MIPEP: variants seen among roughly 807,000 people sequenced by gnomAD.
MIPEP encodes mitochondrial intermediate peptidase.
Under a neutral mutation model 90.3 loss-of-function variants are expected in MIPEP, and 79 were observed. The ratio of observed to expected loss-of-function variants is 0.87; its 90% CI spans 0.73 to 1.05. MIPEP has a LOEUF of 1.05. MIPEP is among the 50% of genes least tolerant of loss of function. The pLI, the probability that MIPEP is intolerant of heterozygous loss-of-function variation, is 0.00. For synonymous variants in MIPEP, 334 were observed against 315.8 expected (o/e 1.06, Z -0.61); for missense variants, 940 against 905.6 (o/e 1.04, Z -0.49).
rs575486158 is a variant in MIPEP at position 23,889,226 on chromosome 13, C to G, written c.95G>C (p.Arg32Pro). ...AGRGSLEAGI[R>P]ARRVSTSWSP... ...CCAGCTGGTGCTGACCCTTCGGGCC[C>G]GGATCCCGGCTTCGAGGCTTCCCCG... The change falls in exon 1 of 19, where the codon CGG (arginine) becomes CCG (proline). Residue 32 changes from arginine to proline, a missense_variant. By Grantham distance (103) the Arg-to-Pro change is moderately radical. Coordinates refer to ENST00000382172, the MANE Select transcript of MIPEP (RefSeq NM_005932.4). 1 of 1,415,946 alleles carries G rather than the reference C, an allele frequency of 7.1e-7. No individual in the cohort carries two copies. The highest frequency in any genetic ancestry group is 1.5e-5 in the African/African-American group (1 of 65,690). 87.7% of individuals were successfully genotyped at this position (1,415,946 alleles called of 1,614,324 possible).
intron 15 of MIPEP, among the ~76,000 whole-genome samples, chr13:23,808,287 G>A (rs1386652233): frequency 6.6e-6 from 1 of 152,052 alleles, no homozygotes; most frequent in Non-Finnish European, 1.5e-5. Flanking sequence ...TTTTAGTAGA[G>A]TTGGGGTTTC....
At chr13:23,795,935 C>G (rs542456223) in intron 16 of MIPEP, among the ~76,000 whole-genome samples, 121 of 151,792 alleles carry the variant, frequency 8.0e-4, no homozygotes, top group Non-Finnish European at 1.2e-3. Context: ...GTTAAGGCTG[C>G]AATGAGCCAT....
intron 16 of MIPEP, among the ~76,000 whole-genome samples, chr13:23,773,250 T>C (rs987629015): frequency 1.3e-5 from 2 of 152,218 alleles, no homozygotes; most frequent in Non-Finnish European, 2.9e-5. Flanking sequence ...TGTGTCTAGT[T>C]TGTCGCACCG....
At position 23,761,985 on chromosome 13, in the gene MIPEP, C is replaced by T. The variant is rs1049389730; in HGVS notation, c.1849-1768G>A. On this transcript the variant is annotated intron_variant, in intron 16 of 18. Transcript: ENST00000382172. ...ACTAAACATACAAAAATTAGCCAGG[C>T]GTGGCGGCACAAGTCTGTAATCTCA... is the stretch of plus-strand genomic sequence containing the variant. Among the ~76,000 whole-genome samples, 7 of 152,036 alleles carry T rather than the reference C, an allele frequency of 4.6e-5. No individual in the cohort carries two copies. In the South Asian group the frequency reaches 8.3e-4, roughly 18 times the overall value.
At position 23,856,908 on chromosome 13, in the gene MIPEP, A is replaced by C. The variant is rs117875836; in HGVS notation, c.1106+1952T>G. 7.3e-3 allele frequency among the ~76,000 whole-genome samples: 1,105 copies of C among 152,272 alleles called. 22 individuals carry two copies. Among genetic ancestry groups the C allele is most frequent in the East Asian group, 0.051 (263 of 5,186 alleles). ...TGATATGAAAGGAATACCTGATAAAAATGAGAGTAGCAAAAATTAGAATAT... is the reference window on the plus strand; with the variant it reads ...TGATATGAAAGGAATACCTGATAAACATGAGAGTAGCAAAAATTAGAATAT... On this transcript the variant is annotated intron_variant, in intron 10 of 18. Coordinates refer to ENST00000382172, the MANE Select transcript of MIPEP (RefSeq NM_005932.4).
At chr13:23,816,713 G>T (rs1953242729) in intron 14 of MIPEP, among the ~76,000 whole-genome samples, 1 of 152,120 alleles carries the variant, frequency 6.6e-6, no homozygotes, top group Non-Finnish European at 1.5e-5. Flanking sequence ...AGGGAGTCAG[G>T]GTTTTCTGCT....
At chr13:23,847,357 A>T (rs1869590087) in intron 10 of MIPEP, among the ~76,000 whole-genome samples, 1 of 152,024 alleles carries the variant, frequency 6.6e-6, no homozygotes, top group African/African-American at 2.4e-5. Context: ...GTGATAAAAA[A>T]GGAGAGAACA....
intron 14 of MIPEP, among the ~76,000 whole-genome samples, chr13:23,826,796 C>A (rs1868472365): frequency 6.6e-6 from 1 of 151,990 alleles, no homozygotes; most frequent in South Asian, 2.1e-4. Flanking sequence ...CAAACTGAAA[C>A]AAACAAAATA....
intron 8 of MIPEP, 102 bp downstream of exon 8, chr13:23,864,039 C>T: frequency 1.5e-6 from 1 of 679,222 alleles, no homozygotes; most frequent in Non-Finnish European, 2.5e-6. Flanking sequence ...TATGCCAAAA[C>T]TTATATTCTA....
intron 18 of MIPEP, among the ~76,000 whole-genome samples, chr13:23,741,711 T>G (rs1175975340): frequency 2.0e-5 from 3 of 151,790 alleles, no homozygotes; most frequent in Admixed American, 2.0e-4. Context: ...AAATAACTAT[T>G]GGGTACTAGG....
At chr13:23,838,472 G>A (rs544422050) in intron 12 of MIPEP, among the ~76,000 whole-genome samples, 5 of 152,258 alleles carry the variant, frequency 3.3e-5, no homozygotes, top group African/African-American at 1.2e-4. Flanking sequence ...TCACTTGAAC[G>A]AGATGGGATC....
intron 12 of MIPEP, among the ~76,000 whole-genome samples, 169 bp downstream of exon 12, chr13:23,839,480 T>C (rs1035029855): frequency 2.6e-5 from 4 of 152,364 alleles, no homozygotes; most frequent in South Asian, 2.1e-4. Flanking sequence ...ATTATTTCCA[T>C]AAACTTTTTA....
intron 18 of MIPEP, among the ~76,000 whole-genome samples, chr13:23,733,713 G>C (rs1952229784): frequency 6.6e-6 from 1 of 152,222 alleles, no homozygotes. Flanking sequence ...ACCAGGGGTA[G>C]TTGAGAACAA....
chr13:23,800,581 C>A (rs148454049), intron 16 of MIPEP, among the ~76,000 whole-genome samples: 1 of 152,114 alleles, frequency 6.6e-6, no homozygotes, highest in Non-Finnish European at 1.5e-5. Context: ...CAAGTAAGTA[C>A]AAATTAGCCT....
rs375769066 is a variant in MIPEP at position 23,858,837 on chromosome 13, C to A, written c.1106+23G>T. ...TAGTTTCCTTTTTCCTTTTCCTGTA[C>A]GGGTATTTCTTGAAAAACTTACCTT... On this transcript the variant is annotated intron_variant, in intron 10 of 18. Transcript: ENST00000382172. 72 of 1,606,918 alleles carry A rather than the reference C, an allele frequency of 4.5e-5. No homozygotes were observed. In the African/African-American group the frequency reaches 7.6e-4, roughly 17 times the overall value.
chr13:23,739,499 A>G (rs961221270), intron 18 of MIPEP, among the ~76,000 whole-genome samples: 1 of 152,234 alleles, frequency 6.6e-6, no homozygotes, highest in African/African-American at 2.4e-5. Flanking sequence ...GAGCCTGAGA[A>G]ATAGAACCCA....
chr13:23,741,694 C>CA (rs35149279), intron 18 of MIPEP, among the ~76,000 whole-genome samples: 79,781 of 149,548 alleles, frequency 0.53, 21,477 homozygotes, highest in South Asian at 0.71. Context: ...GGAGGGAGAG[C>CA]AAAAAAAAAT....
intron 10 of MIPEP, among the ~76,000 whole-genome samples, chr13:23,844,655 TC>T (rs1172053330): frequency 6.6e-6 from 1 of 152,168 alleles, no homozygotes; most frequent in Non-Finnish European, 1.5e-5. Context: ...ATATTAAAAT[TC>T]TACCCTTCTT....
At chr13:23,829,461 G>A (rs1187686444) in intron 14 of MIPEP, among the ~76,000 whole-genome samples, 1 of 151,856 alleles carries the variant, frequency 6.6e-6, no homozygotes, top group Non-Finnish European at 1.5e-5. Context: ...TAACTATAAA[G>A]ACAAGATTGA....
Sources: gnomAD v4.1 joint callset for allele counts (sites outside exome capture counted in the v4.1 genomes callset) on GRCh38, gnomAD v4.1.1 for gene constraint, MANE v1.5 for transcripts, NCBI Gene and HGNC (gene_info 2026-07-23, HGNC 2026-07-21) for gene names.